Variants in TNIK observed in about 807,000 individuals in gnomAD.
TNIK encodes the protein TRAF2 and NCK-interacting protein kinase.
Under a neutral mutation model 191.3 loss-of-function variants are expected in TNIK, and 49 were observed. The ratio of observed to expected loss-of-function variants is 0.26; its 90% CI spans 0.20 to 0.32. TNIK has a LOEUF of 0.32. Among genes scored for constraint, TNIK ranks in the 10% least tolerant of loss-of-function variants. TNIK has a pLI of 1.00. For missense variants in TNIK, 1,155 were observed against 1,702.3 expected, an observed-to-expected ratio of 0.68 and a Z score of 5.66; for synonymous variants, 594 against 600.9, an observed-to-expected ratio of 0.99 and a Z score of 0.17.
intron 23 of TNIK, among the ~76,000 whole-genome samples, chr3:171,088,265 C>T (rs1158032739): frequency 1.7e-4 from 25 of 146,452 alleles, no homozygotes; most frequent in African/African-American, 5.9e-4. Flanking sequence ...ATGGACTCTT[C>T]ACTCTGTTGC....
chr3:171,322,230 T>G (rs910421423), intron 2 of TNIK, among the ~76,000 whole-genome samples: 2 of 152,186 alleles, frequency 1.3e-5, no homozygotes, highest in African/African-American at 2.4e-5. Context: ...AAATCACAGA[T>G]TTTTTGTAGA....
At chr3:171,075,245 CAAAAG>C (rs1225469342) in intron 28 of TNIK, among the ~76,000 whole-genome samples, 1 of 152,168 alleles carries the variant, frequency 6.6e-6, no homozygotes, top group Non-Finnish European at 1.5e-5. Context: ...GCAAAATACT[CAAAAG>C]GAAACAGCTT....
chr3:171,379,005 G>A (rs1717644333), intron 1 of TNIK, among the ~76,000 whole-genome samples: 1 of 152,184 alleles, frequency 6.6e-6, no homozygotes, highest in Admixed American at 6.5e-5. Flanking sequence ...ACAGTAGGTA[G>A]GATGGGCAGG....
chr3:171,365,161 C>CTT lies in TNIK; in HGVS notation c.123+4457_123+4458dup, dbSNP rs60887361. Among the ~76,000 whole-genome samples the CTT allele has an allele frequency of 2.3e-3, 73 of 31,934 alleles. 18 individuals are homozygous for CTT. The highest frequency in any genetic ancestry group is 6.2e-3 in the African/African-American group (69 of 11,180). The allele number at this position is 31,934 out of a possible 152,430, so 20.9% of individuals were successfully genotyped here. On this transcript the variant is annotated intron_variant, in intron 2 of 32. Transcript: ENST00000436636. ...AAGGACTACACAAAAGGACTACATT[C>CTT]TTTTTTTTTTTTTTTTTTTTTTTTT...
At chr3:171,417,164 G>A (rs1376620187) in intron 1 of TNIK, among the ~76,000 whole-genome samples, 1 of 152,118 alleles carries the variant, frequency 6.6e-6, no homozygotes, top group Non-Finnish European at 1.5e-5. Flanking sequence ...TTCATGAAAT[G>A]TTTAACAATA....
chr3:171,298,811 A>T (rs1752590530), intron 2 of TNIK, among the ~76,000 whole-genome samples: 1 of 152,242 alleles, frequency 6.6e-6, no homozygotes, highest in Admixed American at 6.5e-5. Flanking sequence ...TGAAAAAAAT[A>T]ATGTGTAAGG....
intron 2 of TNIK, among the ~76,000 whole-genome samples, chr3:171,253,227 T>C (rs1746444377): frequency 7.0e-6 from 1 of 143,422 alleles, no homozygotes; most frequent in Admixed American, 7.1e-5. Context: ...GAACTTGCAG[T>C]GAGCCGAGAT....
At chr3:171,344,482 GAT>G (rs1337160672) in intron 2 of TNIK, among the ~76,000 whole-genome samples, 1 of 152,104 alleles carries the variant, frequency 6.6e-6, no homozygotes, top group Non-Finnish European at 1.5e-5. Context: ...TTATGGGACA[GAT>G]ATGTTATGGT....
At chr3:171,361,333 G>A (rs1471339695) in intron 2 of TNIK, among the ~76,000 whole-genome samples, 3 of 152,190 alleles carry the variant, frequency 2.0e-5, no homozygotes, top group African/African-American at 7.2e-5. Flanking sequence ...CACAGTCCCT[G>A]TATCAAGTTT....
chr3:171,109,629 TCAGA>T (rs894759047), intron 19 of TNIK, among the ~76,000 whole-genome samples: 2 of 152,240 alleles, frequency 1.3e-5, no homozygotes, highest in African/African-American at 4.8e-5. Context: ...GAGGCTTTCA[TCAGA>T]CAGAGAAACT....
chr3:171,069,077 A>G lies in TNIK; in HGVS notation c.3550-80T>C, dbSNP rs1718854171. On this transcript the variant is annotated intron_variant, in intron 29 of 32. Coordinates refer to ENST00000436636, the MANE Select transcript of TNIK (RefSeq NM_015028.4). Reference sequence around the variant, plus strand: ...TTTCCTTTAGCCACTGTCTAGAGGAAGTTAACTTCTAACTTTATTAAAGTG... The same window carrying G: ...TTTCCTTTAGCCACTGTCTAGAGGAGGTTAACTTCTAACTTTATTAAAGTG... 1.4e-5 allele frequency: 21 copies of G among 1,471,634 alleles called. 1 individual carries two copies. The highest frequency in any genetic ancestry group is 7.0e-5 in the East Asian group (3 of 42,942). 91.2% of individuals were successfully genotyped at this position (1,471,634 alleles called of 1,614,324 possible). A position where few individuals can be genotyped will look rare whatever the true frequency, so the allele number is the denominator to read the frequency against.
chr3:171,102,486 T>C (rs1249080935), intron 21 of TNIK, among the ~76,000 whole-genome samples: 3 of 152,188 alleles, frequency 2.0e-5, no homozygotes, highest in Non-Finnish European at 4.4e-5. Context: ...AATATCCGAC[T>C]ACCTTTTATT....
At chr3:171,371,264 AG>A (rs1309601221) in intron 1 of TNIK, among the ~76,000 whole-genome samples, 1 of 152,246 alleles carries the variant, frequency 6.6e-6, no homozygotes, top group Non-Finnish European at 1.5e-5. Context: ...TTCTGGGGAA[AG>A]GGAAAAATGA....
chr3:171,289,888 C>T (rs1751480751), intron 2 of TNIK, among the ~76,000 whole-genome samples: 1 of 144,260 alleles, frequency 6.9e-6, no homozygotes, highest in Admixed American at 6.9e-5. Context: ...GGTGACAGGG[C>T]CAGACTCCGT....
At chr3:171,137,649 T>G (rs1247377286) in intron 15 of TNIK, among the ~76,000 whole-genome samples, 1 of 152,214 alleles carries the variant, frequency 6.6e-6, no homozygotes, top group Non-Finnish European at 1.5e-5. Flanking sequence ...GAAGGAAGTA[T>G]GTGTAGAAGA....
intron 4 of TNIK, 58 bp from the exon 5 acceptor site, chr3:171,194,693 T>G: frequency 6.6e-7 from 1 of 1,524,374 alleles, no homozygotes. Flanking sequence ...TTCCATTAAG[T>G]TGGGGTAAGA....
At chr3:171,385,031 C>T (rs1481927862) in intron 1 of TNIK, among the ~76,000 whole-genome samples, 1 of 152,150 alleles carries the variant, frequency 6.6e-6, no homozygotes, top group Non-Finnish European at 1.5e-5. Context: ...TCAAGTAACA[C>T]TAAAATACAA....
At chr3:171,236,276 G>A (rs1744253792) in intron 2 of TNIK, among the ~76,000 whole-genome samples, 3 of 152,134 alleles carry the variant, frequency 2.0e-5, no homozygotes, top group Admixed American at 2.0e-4. Flanking sequence ...TAGAATTTGG[G>A]GAAATGTCTA....
intron 18 of TNIK, among the ~76,000 whole-genome samples, chr3:171,122,665 A>G (rs1430512545): frequency 6.6e-6 from 1 of 152,236 alleles, no homozygotes; most frequent in African/African-American, 2.4e-5. Context: ...GCATGTAATC[A>G]TAAGCTTCAT....
Sources: allele counts gnomAD v4.1 joint callset (sites outside exome capture counted in the v4.1 genomes callset), GRCh38; gene constraint gnomAD v4.1.1; transcripts MANE v1.5; gene names NCBI Gene and HGNC (gene_info 2026-07-23, HGNC 2026-07-21).